TTN: variants seen among roughly 807,000 people sequenced by gnomAD.
TTN encodes connectin.
Under a neutral mutation model 3,223.0 loss-of-function variants are expected in TTN, and 1,525 were observed. That is an observed-to-expected ratio of 0.47 (90% CI 0.45 to 0.49). The LOEUF (loss-of-function observed/expected upper bound fraction) is 0.49. TTN is among the 20% of genes least tolerant of loss of function. The pLI is 0.00. For missense variants in TTN, 40,786 were observed against 43,424.0 expected, an observed-to-expected ratio of 0.94 and a Z score of 5.40; for synonymous variants, 14,094 against 15,161.0, an observed-to-expected ratio of 0.93 and a Z score of 5.17.
intron 44 of TTN, among the ~76,000 whole-genome samples, chr2:178,758,283 A>G (rs1363095081): frequency 6.6e-6 from 1 of 152,218 alleles, no homozygotes; most frequent in Admixed American, 6.5e-5. Context: ...GTTAATGCAT[A>G]AGGTTAAGAA....
At position 178,650,282 on chromosome 2, in the gene TTN, A is replaced by G. The variant is rs1179088593; in HGVS notation, c.39710-11T>C. The G allele has an allele frequency of 6.5e-7, 1 of 1,547,514 alleles. No homozygotes were observed. The highest frequency in any genetic ancestry group is 1.7e-4 in the Middle Eastern group (1 of 5,740). On this transcript the variant is annotated splice_polypyrimidine_tract_variant and intron_variant, in intron 209 of 362. Coordinates refer to ENST00000589042, the MANE Select transcript of TTN (RefSeq NM_001267550.2). Reference sequence around the variant, plus strand: ...CAGGTTCTTCATATACTTTAAAGATATTAGTTAATTTTATTTCAATGTATG... The same window carrying G: ...CAGGTTCTTCATATACTTTAAAGATGTTAGTTAATTTTATTTCAATGTATG...
intron 33 of TTN, 185 bp downstream of exon 33, chr2:178,772,924 A>G: frequency 1.5e-6 from 1 of 689,156 alleles, no homozygotes; most frequent in East Asian, 2.7e-5. Flanking sequence ...CGTTTGAGGT[A>G]GGCCTAGAAG....
At chr2:178,789,156 A>G (rs994345300) in intron 13 of TTN, among the ~76,000 whole-genome samples, 1 of 152,144 alleles carries the variant, frequency 6.6e-6, no homozygotes, top group Non-Finnish European at 1.5e-5. Flanking sequence ...AAGTGGAGAA[A>G]GGGATATGTA....
At position 178,578,813 on chromosome 2, in the gene TTN, A is replaced by G. The variant is rs10497517; in HGVS notation, c.68217T>C (p.His22739=). The change falls in exon 320 of 363, where the codon CAT becomes CAC. Residue 22739 remains histidine, a synonymous_variant. Coordinates refer to ENST00000589042, the MANE Select transcript of TTN (RefSeq NM_001267550.2). ...GLKSEPIVAR[H]PFDVPDAPPP... ...TGAATTTAAGACACTTACCAAATGGATGTCTCGCAACAATTGGCTCCGATT... is the reference window on the plus strand; with the variant it reads ...TGAATTTAAGACACTTACCAAATGGGTGTCTCGCAACAATTGGCTCCGATT... The G allele has an allele frequency of 0.058, 92,951 of 1,609,840 alleles. 5,380 individuals are homozygous for G. Among genetic ancestry groups the G allele is most frequent in the African/African-American group, 0.2 (14,985 of 74,732 alleles).
chr2:178,764,033 T>A (rs1011720609), intron 43 of TTN, 144 bp downstream of exon 43: 1 of 1,235,160 alleles, frequency 8.1e-7, no homozygotes. Flanking sequence ...AATTTAATAA[T>A]TGAAATAAGT....
chr2:178,589,738 T>C lies in TTN; in HGVS notation c.61987A>G (p.Ile20663Val). The change falls in exon 304 of 363, where the codon ATT (isoleucine) becomes GTT (valine). Residue 20663 changes from isoleucine to valine, a missense_variant. Transcript: ENST00000589042. ...TCACCTGGTCTGTCAATAGGGTTAATAGCCAGAATGGGAGTTTTTGTTTCG... is the reference window on the plus strand; with the variant it reads ...TCACCTGGTCTGTCAATAGGGTTAACAGCCAGAATGGGAGTTTTTGTTTCG... ...TIETKTPILA[I>V]NPIDRPGEPE... The C allele has an allele frequency of 6.2e-6, 10 of 1,613,588 alleles. No individual in the cohort carries two copies. The highest frequency in any genetic ancestry group is 8.5e-6 in the Non-Finnish European group (10 of 1,179,612).
rs2052845556 is a variant in TTN, at chr2:178,599,932, G to A, written c.56051-82C>T. 11 of 1,349,712 alleles carry A rather than the reference G, an allele frequency of 8.1e-6. No individual in the cohort carries two copies. In the South Asian group the frequency reaches 1.2e-4, roughly 15 times the overall value. The allele number at this position is 1,349,712 out of a possible 1,614,324, so 83.6% of individuals were successfully genotyped here. ...TAGAATTCACAGTTACTATAAAGTT[G>A]TTTGGATCCACTGTAGGCAGACTTT... On this transcript the variant is annotated intron_variant, in intron 288 of 362. Coordinates refer to ENST00000589042, the MANE Select transcript of TTN (RefSeq NM_001267550.2).
Position 178,653,223 on chromosome 2 carries a change from G to A in TTN, c.38791+15C>T, listed in dbSNP as rs773266469. ...AGAATTAGATCATCTGAAGCCTAAG[G>A]TCAGTGACAAATACCTTTAACAGGT... On this transcript the variant is annotated intron_variant, in intron 198 of 362. Transcript: ENST00000589042. 14 of 1,610,742 alleles carry A rather than the reference G, an allele frequency of 8.7e-6. No homozygotes were observed. Among genetic ancestry groups the A allele is most frequent in the East Asian group, 4.5e-5 (2 of 44,602 alleles).
At chr2:178,536,789 T>C (rs555975116) in intron 356 of TTN, 149 bp downstream of exon 356, 9 of 860,438 alleles carry the variant, frequency 1.0e-5, no homozygotes, top group Non-Finnish European at 1.5e-5. Flanking sequence ...CTTTTAGATA[T>C]GCAAACATTC....
chr2:178,625,979 C>T (rs953702873), intron 240 of TTN, among the ~76,000 whole-genome samples: 6 of 151,782 alleles, frequency 4.0e-5, no homozygotes, highest in South Asian at 4.2e-4. Context: ...TTTGCATATG[C>T]GTAGATATAC....
intron 117 of TTN, 87 bp downstream of exon 117, chr2:178,694,512 G>A (rs574786377): frequency 1.5e-4 from 133 of 902,996 alleles, no homozygotes; most frequent in Non-Finnish European, 1.9e-4. Context: ...TTTCAGATTT[G>A]TGAGTTACTT....
intron 316 of TTN, 199 bp from the exon 317 acceptor site, chr2:178,580,808 G>C: frequency 1.7e-6 from 1 of 588,150 alleles, no homozygotes; most frequent in Non-Finnish European, 2.8e-6. Flanking sequence ...CTATGCTTTA[G>C]GCTTAACCAG....
chr2:178,543,264 A>G lies in TTN; in HGVS notation c.96709T>C (p.Tyr32237His). Residue 32237 changes from tyrosine (Y) to histidine (H), a missense_variant, in exon 347 of 363, where the codon TAT (tyrosine) becomes CAT (histidine). Coordinates refer to ENST00000589042, the MANE Select transcript of TTN (RefSeq NM_001267550.2). ...LYDGGSRLTG[Y>H]VLEACKAGTE... ...CCAGCTTTGCAGGCCTCGAGAACAT[A>G]TCCAGTGAGTCGGCTACCACCATCG... 1 of 1,613,786 alleles carries G rather than the reference A, an allele frequency of 6.2e-7. No homozygotes were observed. Among genetic ancestry groups the G allele is most frequent in the Non-Finnish European group, 8.5e-7 (1 of 1,179,792 alleles).
chr2:178,749,929 T>C, intron 47 of TTN: 2 of 1,613,206 alleles, frequency 1.2e-6, no homozygotes, highest in South Asian at 1.1e-5. Context: ...ACATTTTTGG[T>C]GGTTCATTAG....
At position 178,610,005 on chromosome 2, in the gene TTN, A is replaced by G; in HGVS notation, c.51437-19T>C. ...GGGGGTTCTGAAGAACAAGAAAAAA[A>G]TGTTAGTATCAGGAAAACCACCTTC... On this transcript the variant is annotated intron_variant, in intron 271 of 362. Coordinates refer to ENST00000589042, the MANE Select transcript of TTN (RefSeq NM_001267550.2). 1 of 1,609,930 alleles carries G rather than the reference A, an allele frequency of 6.2e-7. No individual in the cohort carries two copies. The highest frequency in any genetic ancestry group is 1.3e-5 in the African/African-American group (1 of 74,654).
chr2:178,715,842 G>A (rs1401175007), intron 88 of TTN, 68 bp from the exon 89 acceptor site: 17 of 1,441,168 alleles, frequency 1.2e-5, no homozygotes, highest in Admixed American at 2.5e-5. Flanking sequence ...AGATGAGGTG[G>A]AAAAAATAAT....
chr2:178,724,859 T>C (rs1053400844), intron 71 of TTN: 5 of 224,428 alleles, frequency 2.2e-5, no homozygotes, highest in South Asian at 1.6e-4. Context: ...GTGCATTAGA[T>C]AGTATATATT....
rs769852851 is a variant in TTN, at chr2:178,592,915, T to G, written c.59204A>C (p.Glu19735Ala). Reference sequence around the variant, plus strand: ...TTTATATTTAGTTTCAGGACATGACTCAGGGGTGTGATTGGCTCTTCTCCA... The same window carrying G: ...TTTATATTTAGTTTCAGGACATGACGCAGGGGTGTGATTGGCTCTTCTCCA... ...EEWRRANHTPESCPETKYKVT... is the reference protein window; with the variant it reads ...EEWRRANHTPASCPETKYKVT... Residue 19735 changes from glutamate (E) to alanine (A), a missense_variant, in exon 300 of 363, where the codon GAG (glutamate) becomes GCG (alanine). Physicochemically the swap from Glu to Ala is moderately radical, Grantham distance 107 (BLOSUM62 -1). Coordinates refer to ENST00000589042, the MANE Select transcript of TTN (RefSeq NM_001267550.2). The G allele has an allele frequency of 8.7e-6, 14 of 1,613,510 alleles. No individual in the cohort carries two copies. Among genetic ancestry groups the G allele is most frequent in the Non-Finnish European group, 1.2e-5 (14 of 1,179,600 alleles).
chr2:178,712,089 G>A lies in TTN; in HGVS notation c.27741C>T (p.Pro9247=). 6.2e-7 allele frequency: 1 copy of A among 1,613,770 alleles called. No individual in the cohort carries two copies. Among genetic ancestry groups the A allele is most frequent in the African/African-American group, 1.3e-5 (1 of 75,026 alleles). ...SWYKGDTKLR[P]TTTYKMHFRN... ...TAAAATGCATTTTGTAAGTCGTAGT[G>A]GGTCTCAATTTTGTATCTCCTTTAT... The change falls in exon 96 of 363, where the codon CCC becomes CCT. Residue 9247 remains proline, a synonymous_variant. Transcript: ENST00000589042.
Sources: gnomAD v4.1 joint callset for allele counts (sites outside exome capture counted in the v4.1 genomes callset) on GRCh38, gnomAD v4.1.1 for gene constraint, MANE v1.5 for transcripts, NCBI Gene and HGNC (gene_info 2026-07-23, HGNC 2026-07-21) for gene names.